PRR27: variants seen among roughly 807,000 people sequenced by gnomAD.
PRR27 encodes proline-rich protein 27.
In PRR27, 12 loss-of-function variants were observed where a neutral mutation model predicts 16.8. That is an observed-to-expected ratio of 0.71 (90% CI 0.46 to 1.16). The LOEUF is 1.16. Ranked by LOEUF, PRR27 falls within the 50% of genes most tolerant of loss-of-function variation. PRR27 has a pLI of 0.00. For missense variants in PRR27, 277 were observed against 273.3 expected (o/e 1.01, Z -0.10); for synonymous variants, 100 against 98.4 (o/e 1.02, Z -0.10).
rs761954080 is a variant in PRR27 at position 70,158,620 on chromosome 4, C to A, written c.368C>A (p.Ala123Glu). The A allele has an allele frequency of 2.5e-6, 4 of 1,614,018 alleles. No homozygotes were observed. The East Asian group carries it at 6.7e-5, about 27-fold the overall frequency. Residue 123 changes from alanine to glutamate, a missense_variant, in exon 3 of 5, where the codon GCA (alanine) becomes GAA (glutamate). By Grantham distance (107) the Ala-to-Glu change is moderately radical. Transcript: ENST00000344526. Reference protein sequence around the residue: ...PPSRFFSAAAAPAAPPIAAEP... With the variant: ...PPSRFFSAAAEPAAPPIAAEP... ...TCAAGGTTTTTTTCAGCAGCTGCAG[C>A]ACCCGCTGCCCCACCTATTGCAGCT... is the stretch of plus-strand genomic sequence containing the variant.
In PRR27 at chr4:70,158,458, A is replaced by T. The variant is rs767178631; in HGVS notation, c.206A>T (p.Asp69Val). ...AGTTACCCTGGGAATACTTACACTG[A>T]CACAGGGTTACCTTCGTATCCCTGG... ...VPSYPGNTYT[D>V]TGLPSYPWIL... Residue 69 changes from aspartate (D) to valine (V), a missense_variant, in exon 3 of 5, where the codon GAC becomes GTC. Transcript: ENST00000344526. 13 of 1,614,062 alleles carry T rather than the reference A, an allele frequency of 8.1e-6. 1 individual carries two copies. The South Asian group carries it at 1.3e-4, about 16-fold the overall frequency.
chr4:70,158,606 T>C lies in PRR27; in HGVS notation c.354T>C (p.Phe118=). ...CGTTTGTCCCTCCTTCAAGGTTTTT[T>C]TCAGCAGCTGCAGCACCCGCTGCCC... ...GFPFVPPSRF[F]SAAAAPAAPP... Residue 118 remains phenylalanine, a synonymous_variant, in exon 3 of 5, where the codon TTT becomes TTC. Transcript: ENST00000344526. The C allele has an allele frequency of 6.2e-7, 1 of 1,614,176 alleles. No individual in the cohort carries two copies. The highest frequency in any genetic ancestry group is 1.1e-5 in the South Asian group (1 of 91,092).
intron 1 of PRR27, 85 bp downstream of exon 1, chr4:70,154,511 T>C: frequency 1.8e-6 from 2 of 1,117,266 alleles, no homozygotes; most frequent in Non-Finnish European, 2.7e-6. Context: ...GATAAAGTAC[T>C]ATAGTGTTTG....
At position 70,162,854 on chromosome 4, in the gene PRR27, T is replaced by C. The variant is rs1185228075; in HGVS notation, c.*193T>C. On this transcript the variant is annotated 3_prime_UTR_variant, in exon 5 of 5. Coordinates refer to ENST00000344526, the MANE Select transcript of PRR27 (RefSeq NM_214711.4). Reference sequence around the variant, plus strand: ...TATTGAAAAAACATTGATAATTAAATAAATAAAATAGATAATTTAGACCAA... The same window carrying C: ...TATTGAAAAAACATTGATAATTAAACAAATAAAATAGATAATTTAGACCAA... 6.6e-6 allele frequency: 1 copy of C among 152,160 alleles called. No homozygotes were observed. Among genetic ancestry groups the C allele is most frequent in the Non-Finnish European group, 1.5e-5 (1 of 68,014 alleles). The allele number at this position is 152,160 out of a possible 1,614,324, so 9.4% of individuals were successfully genotyped here. A position where few individuals can be genotyped will look rare whatever the true frequency, so the allele number is the denominator to read the frequency against.
In PRR27 at chr4:70,158,778, G is replaced by A. The variant is rs1728562142; in HGVS notation, c.526G>A (p.Ala176Thr). The A allele has an allele frequency of 6.2e-7, 1 of 1,612,668 alleles. No homozygotes were observed. Among genetic ancestry groups the A allele is most frequent in the Non-Finnish European group, 8.5e-7 (1 of 1,178,922 alleles). Reference sequence around the variant, plus strand: ...GCCTGCTGCAGAGGCACCTGTTGCAGCTGAGCCTGCTGCAGAGGCACCTGT... The same window carrying A: ...GCCTGCTGCAGAGGCACCTGTTGCAACTGAGCCTGCTGCAGAGGCACCTGT... Reference protein sequence around the residue: ...AEPAAEAPVAAEPAAEAPVGV... With the variant: ...AEPAAEAPVATEPAAEAPVGV... Residue 176 changes from alanine (A) to threonine (T), a missense_variant, in exon 3 of 5, where the codon GCT becomes ACT. Ala to Thr is a moderately conservative substitution (Grantham distance 58). Coordinates refer to ENST00000344526, the MANE Select transcript of PRR27 (RefSeq NM_214711.4).
Position 70,155,922 on chromosome 4 carries a change from TA to T in PRR27, c.52-131del, listed in dbSNP as rs1271784262. The T allele has an allele frequency of 5.0e-6, 3 of 595,246 alleles. No homozygotes were observed. The African/African-American group carries it at 6.0e-5, about 12-fold the overall frequency. 36.9% of individuals were successfully genotyped at this position (595,246 alleles called of 1,614,324 possible). A position where few individuals can be genotyped will look rare whatever the true frequency, so the allele number is the denominator to read the frequency against. On this transcript the variant is annotated intron_variant, in intron 1 of 4. Coordinates refer to ENST00000344526, the MANE Select transcript of PRR27 (RefSeq NM_214711.4). ...GACGATGATAAAAAAAAATTCATATTAGTTACTCAAATTTCAAAAAAATTAA... is the reference window on the plus strand; with the variant it reads ...GACGATGATAAAAAAAAATTCATATTGTTACTCAAATTTCAAAAAAATTAA...
In PRR27 at chr4:70,164,771, A is replaced by G. The variant is rs2109796835; in HGVS notation, c.*2110A>G. 1 of 152,238 alleles carries G rather than the reference A, an allele frequency of 6.6e-6. No homozygotes were observed. Among genetic ancestry groups the G allele is most frequent in the East Asian group, 1.9e-4 (1 of 5,186 alleles). 9.4% of individuals were successfully genotyped at this position (152,238 alleles called of 1,614,324 possible). ...GATGAACCGAAATAGAAATATCAAG[A>G]GGCTACAAAGTCTTAGCAAATTATA... On this transcript the variant is annotated 3_prime_UTR_variant, in exon 5 of 5. Transcript: ENST00000344526.
intron 3 of PRR27, among the ~76,000 whole-genome samples, chr4:70,161,215 T>C (rs1024352104): frequency 7.0e-5 from 9 of 129,108 alleles, no homozygotes; most frequent in East Asian, 2.1e-4. Context: ...TACATATATA[T>C]ATATATATAT....
In PRR27 at chr4:70,154,249, A is replaced by C. The variant is rs568608147; in HGVS notation, c.-127A>C. The stretch of plus-strand genomic sequence containing the variant: ...CAACTATTCTGTTAAGGGTCTTCCT[A>C]GACAGACTAAAAAAGCCATGTATTC... On this transcript the variant is annotated 5_prime_UTR_variant, in exon 1 of 5. Transcript: ENST00000344526. 7.3e-4 allele frequency: 556 copies of C among 757,616 alleles called. 4 individuals are homozygous for C. Among genetic ancestry groups the C allele is most frequent in the Non-Finnish European group, 1.6e-4 (74 of 458,094 alleles). 46.9% of individuals were successfully genotyped at this position (757,616 alleles called of 1,614,324 possible).
chr4:70,159,594 C>T (rs1728590271), intron 3 of PRR27, among the ~76,000 whole-genome samples: 1 of 152,140 alleles, frequency 6.6e-6, no homozygotes, highest in Non-Finnish European at 1.5e-5. Context: ...ATACCCTCCT[C>T]CTCCTGAGGC....
Position 70,163,284 on chromosome 4 carries a change from C to T in PRR27, c.*623C>T. 6.6e-6 allele frequency: 1 copy of T among 151,274 alleles called. No homozygotes were observed. The highest frequency in any genetic ancestry group is 2.4e-5 in the African/African-American group (1 of 41,264). The allele number at this position is 151,274 out of a possible 1,614,324, so 9.4% of individuals were successfully genotyped here. On this transcript the variant is annotated 3_prime_UTR_variant, in exon 5 of 5. Coordinates refer to ENST00000344526, the MANE Select transcript of PRR27 (RefSeq NM_214711.4). ...GCATCTAGCCAACTCTAGCTATTGT[C>T]ATCCCTAACAGAAATGGAGGAATAG...
At chr4:70,159,139 A>T (rs558523916) in intron 3 of PRR27, among the ~76,000 whole-genome samples, 1 of 152,314 alleles carries the variant, frequency 6.6e-6, no homozygotes, top group East Asian at 1.9e-4. Context: ...TACTACAGTC[A>T]AAAGTTTCCT....
In PRR27 at chr4:70,155,251, A is replaced by T. The variant is rs1327114670; in HGVS notation, c.52-803A>T. On this transcript the variant is annotated intron_variant, in intron 1 of 4. Transcript: ENST00000344526. ...TTTTTATTTTTATTCTGTAGTTCATAATCTGTGGTCAATTCACAAACCATA... is the reference window on the plus strand; with the variant it reads ...TTTTTATTTTTATTCTGTAGTTCATTATCTGTGGTCAATTCACAAACCATA... Among the ~76,000 whole-genome samples the T allele has an allele frequency of 2.0e-5, 3 of 152,224 alleles. No individual in the cohort carries two copies. The East Asian group carries it at 5.8e-4, about 29-fold the overall frequency.
intron 3 of PRR27, 83 bp from the exon 4 acceptor site, chr4:70,161,503 T>G: frequency 1.2e-6 from 1 of 825,430 alleles, no homozygotes; most frequent in South Asian, 1.9e-5. Context: ...GAAGAAAGGT[T>G]ATTTAGAAAA....
intron 3 of PRR27, among the ~76,000 whole-genome samples, chr4:70,160,009 T>A (rs1428223055): frequency 6.8e-6 from 1 of 146,622 alleles, no homozygotes; most frequent in Non-Finnish European, 1.5e-5. Context: ...CTCATTGAAA[T>A]GTGAGCATAT....
rs1000902576 is a variant in PRR27, at chr4:70,158,818, C to A, written c.566C>A (p.Ala189Asp). 2.0e-5 allele frequency: 32 copies of A among 1,613,880 alleles called. No homozygotes were observed. The highest frequency in any genetic ancestry group is 1.6e-4 in the Middle Eastern group (1 of 6,080). ...AAEAPVGVEP[A>D]AEEPSPAEPA... is the part of the protein sequence containing the mutation. ...GAGGCACCTGTTGGAGTGGAGCCAG[C>A]TGCAGAGGAACCTTCACCAGCTGAG... The change falls in exon 3 of 5, where the codon GCT (alanine) becomes GAT (aspartate). Residue 189 changes from alanine (A) to aspartate (D), a missense_variant. Transcript: ENST00000344526.
chr4:70,156,574 C>A (rs780179660), intron 2 of PRR27, among the ~76,000 whole-genome samples: 1 of 152,140 alleles, frequency 6.6e-6, no homozygotes, highest in South Asian at 2.1e-4. Flanking sequence ...TAGCAAATAC[C>A]CATAAATTAT....
At chr4:70,160,628 C>T (rs1728625104) in intron 3 of PRR27, among the ~76,000 whole-genome samples, 1 of 151,972 alleles carries the variant, frequency 6.6e-6, no homozygotes, top group African/African-American at 2.4e-5. Context: ...TTTTTCTTCT[C>T]ATGTTTGCAC....
chr4:70,166,176 A>C lies in PRR27; in HGVS notation c.*3515A>C, dbSNP rs935128317. The C allele has an allele frequency of 2.0e-5, 3 of 152,056 alleles. No homozygotes were observed. The highest frequency in any genetic ancestry group is 4.8e-5 in the African/African-American group (2 of 41,438). 9.4% of individuals were successfully genotyped at this position (152,056 alleles called of 1,614,324 possible). On this transcript the variant is annotated 3_prime_UTR_variant, in exon 5 of 5. Transcript: ENST00000344526. ...TGTATTCATAGTTTCACTTTAATTG[A>C]TGTTTGCCATGAAAGATCAAATATA...
Sources: gnomAD v4.1 joint callset for allele counts (sites outside exome capture counted in the v4.1 genomes callset) on GRCh38, gnomAD v4.1.1 for gene constraint, MANE v1.5 for transcripts, NCBI Gene and HGNC (gene_info 2026-07-23, HGNC 2026-07-21) for gene names.